The following UGT1A10 variants were observed in gnomAD, a reference collection of about 807,000 sequenced individuals.
UGT1A10 encodes UDP-glucuronosyltransferase 1A10.
Under a neutral mutation model 45.8 loss-of-function variants are expected in UGT1A10, and 49 were observed. That is an observed-to-expected ratio of 1.07 (90% confidence interval 0.85 to 1.36). The LOEUF (loss-of-function observed/expected upper bound fraction) is 1.36. Ranked by LOEUF, UGT1A10 falls within the 40% of genes most tolerant of loss-of-function variation. UGT1A10 has a pLI of 0.00. For missense variants in UGT1A10, 745 were observed against 668.6 expected (o/e 1.11, Z -1.26); for synonymous variants, 284 against 249.7 (o/e 1.14, Z -1.29).
intron 1 of UGT1A10, chr2:233,693,799 G>T (rs1193505615): frequency 6.2e-7 from 1 of 1,614,036 alleles, no homozygotes; most frequent in Non-Finnish European, 8.5e-7. Flanking sequence ...AATATCCTAG[G>T]CCGGTCATGC....
chr2:233,729,131 C>T, intron 1 of UGT1A10: 1 of 1,613,182 alleles, frequency 6.2e-7, no homozygotes, highest in Non-Finnish European at 8.5e-7. Flanking sequence ...GCTGAGATGG[C>T]CACAGGACTC....
chr2:233,694,201 A>G (rs765076556), intron 1 of UGT1A10, among the ~76,000 whole-genome samples: 78 of 152,126 alleles, frequency 5.1e-4, no homozygotes, highest in Non-Finnish European at 2.2e-4. Flanking sequence ...TCCAGGTTAA[A>G]ATCCATTTTC....
chr2:233,666,827 G>A (rs2074087506), intron 1 of UGT1A10, among the ~76,000 whole-genome samples: 1 of 134,760 alleles, frequency 7.4e-6, no homozygotes. Context: ...AGGCCCTGGT[G>A]TGTGATGTTC....
Position 233,713,325 on chromosome 2 carries a change from A to G in UGT1A10, c.856-53709A>G, listed in dbSNP as rs1186303937. The G allele has an allele frequency of 4.3e-6, 7 of 1,614,262 alleles. No individual in the cohort carries two copies. The Middle Eastern group carries it at 6.6e-4, about 152-fold the overall frequency. On this transcript the variant is annotated intron_variant, in intron 1 of 4. Coordinates refer to ENST00000344644, the MANE Select transcript of UGT1A10 (RefSeq NM_019075.4). ...AGAACATCTTCTGATGAAATTTTCT[A>G]GAAGAATGGCAATTATGAACAATAT...
chr2:233,673,138 T>A (rs866454769), intron 1 of UGT1A10, among the ~76,000 whole-genome samples: 1 of 152,242 alleles, frequency 6.6e-6, no homozygotes, highest in African/African-American at 2.4e-5. Context: ...TTTGTGAACA[T>A]TCTTTTAATG....
rs587776764 is a variant in UGT1A10 at position 233,761,152 on chromosome 2, G to C, written c.856-5882G>C. ...CCTTCACCAAAATCCACTATCCCAG[G>C]TGTGTATTGGAGTGGGACTTTTACA... is the stretch of plus-strand genomic sequence containing the variant. On this transcript the variant is annotated intron_variant, in intron 1 of 4. Coordinates refer to ENST00000344644, the MANE Select transcript of UGT1A10 (RefSeq NM_019075.4). The C allele has an allele frequency of 2.5e-6, 4 of 1,614,084 alleles. No homozygotes were observed. The African/African-American group carries it at 4.0e-5, about 16-fold the overall frequency.
chr2:233,748,690 T>C (rs1289414709), intron 1 of UGT1A10, among the ~76,000 whole-genome samples: 4 of 151,634 alleles, frequency 2.6e-5, no homozygotes, highest in Non-Finnish European at 5.9e-5. Context: ...ACAAAAGATT[T>C]TTCTGGTCAG....
intron 1 of UGT1A10, among the ~76,000 whole-genome samples, chr2:233,640,326 A>G (rs1575393847): frequency 6.6e-6 from 1 of 152,192 alleles, no homozygotes; most frequent in East Asian, 1.9e-4. Flanking sequence ...CTTTTAAAGA[A>G]ACTTTTTGGC....
At chr2:233,703,314 T>C (rs1197149723) in intron 1 of UGT1A10, among the ~76,000 whole-genome samples, 1 of 147,298 alleles carries the variant, frequency 6.8e-6, no homozygotes, top group Non-Finnish European at 1.5e-5. Flanking sequence ...TTTCATATTT[T>C]TAGCAATTTT....
chr2:233,665,865 T>C (rs1240965351), intron 1 of UGT1A10, among the ~76,000 whole-genome samples: 2 of 152,152 alleles, frequency 1.3e-5, no homozygotes, highest in Non-Finnish European at 1.5e-5. Flanking sequence ...TGCCAGACAA[T>C]ATTTACAAGC....
At chr2:233,771,613 G>GT (rs1296922590) in intron 4 of UGT1A10, 10 of 152,180 alleles carry the variant, frequency 6.6e-5, no homozygotes, top group Non-Finnish European at 1.2e-4. Flanking sequence ...AATTTCTGAC[G>GT]TGACATTTTC....
chr2:233,754,982 G>A (rs777457239), intron 1 of UGT1A10: 2 of 1,295,872 alleles, frequency 1.5e-6, no homozygotes, highest in African/African-American at 3.0e-5. Flanking sequence ...AGACCTCGGC[G>A]GGGTCACGGA....
At chr2:233,759,132 G>A (rs532304308) in intron 1 of UGT1A10, among the ~76,000 whole-genome samples, 12 of 152,322 alleles carry the variant, frequency 7.9e-5, no homozygotes, top group Non-Finnish European at 1.8e-4. Context: ...CCTCTGGTAC[G>A]CAATGAAGGT....
intron 1 of UGT1A10, among the ~76,000 whole-genome samples, chr2:233,639,317 AC>A (rs1428514873): frequency 1.2e-4 from 19 of 152,316 alleles, no homozygotes; most frequent in African/African-American, 4.6e-4. Context: ...TTATGATTAT[AC>A]CTGTAAAGGC....
chr2:233,750,536 C>T (rs1250970148), intron 1 of UGT1A10: 1 of 151,960 alleles, frequency 6.6e-6, no homozygotes, highest in Non-Finnish European at 1.5e-5. Flanking sequence ...AAAATGGCTT[C>T]AGTGCACATC....
At chr2:233,710,850 T>C (rs924657969) in intron 1 of UGT1A10, among the ~76,000 whole-genome samples, 5 of 152,176 alleles carry the variant, frequency 3.3e-5, no homozygotes, top group African/African-American at 1.2e-4. Flanking sequence ...GGAGGATTTG[T>C]TTCTATGTTT....
chr2:233,721,950 T>C (rs1362850553), intron 1 of UGT1A10: 2 of 360,066 alleles, frequency 5.6e-6, no homozygotes, highest in Admixed American at 6.4e-5. Context: ...TTGGTGGCTC[T>C]TTGTATATGC....
At chr2:233,671,767 T>A in intron 1 of UGT1A10, 1 of 1,359,882 alleles carries the variant, frequency 7.4e-7, no homozygotes, top group Non-Finnish European at 9.6e-7. Context: ...AAGCTACTCA[T>A]ATATTCTTGT....
chr2:233,713,172 C>T (rs1256255706), intron 1 of UGT1A10: 2 of 1,614,090 alleles, frequency 1.2e-6, no homozygotes, highest in Admixed American at 1.7e-5. Context: ...GGTGGTGGTC[C>T]TCACCCTGGA....
Sources: gnomAD v4.1 joint callset for allele counts (sites outside exome capture counted in the v4.1 genomes callset) on GRCh38, gnomAD v4.1.1 for gene constraint, MANE v1.5 for transcripts, NCBI Gene and HGNC (gene_info 2026-07-23, HGNC 2026-07-21) for gene names.